The following PTPN4 variants were observed in gnomAD, a reference collection of about 807,000 sequenced individuals.
PTPN4 encodes the protein tyrosine-protein phosphatase non-receptor type 4.
A neutral mutation model predicts 135.5 loss-of-function variants in PTPN4; 49 were observed. The ratio of observed to expected loss-of-function variants is 0.36; its 90% CI spans 0.29 to 0.46. PTPN4 has a LOEUF of 0.46. PTPN4 is among the 20% of genes least tolerant of loss of function. The pLI, the probability that PTPN4 is intolerant of heterozygous loss-of-function variation, is 1.00. For synonymous variants in PTPN4, 333 were observed against 369.9 expected, an observed-to-expected ratio of 0.90 and a Z score of 1.14; for missense variants, 860 against 1,101.0, an observed-to-expected ratio of 0.78 and a Z score of 3.10.
rs150981929 is a variant in PTPN4, at chr2:119,948,590, A to C, written c.1656+2016A>C. 3.6e-3 allele frequency among the ~76,000 whole-genome samples: 550 copies of C among 152,256 alleles called. 4 individuals carry two copies. Among genetic ancestry groups the C allele is most frequent in the Middle Eastern group, 0.014 (4 of 294 alleles). On this transcript the variant is annotated intron_variant, in intron 18 of 26. Coordinates refer to ENST00000263708, the MANE Select transcript of PTPN4 (RefSeq NM_002830.4). ...TTATAACAGTTTAAAGTGGAAAAATAATCAAATGTGGACTAGGGAACAAAG... is the reference window on the plus strand; with the variant it reads ...TTATAACAGTTTAAAGTGGAAAAATCATCAAATGTGGACTAGGGAACAAAG...
rs1678716766 is a variant in PTPN4, at chr2:119,920,234, C to T, written c.994C>T (p.Arg332Trp). The change falls in exon 12 of 27, where the codon CGG becomes TGG. Residue 332 changes from arginine (R) to tryptophan (W), a missense_variant. Around this residue, in one of 2 missense-constraint regions of PTPN4, gnomAD observed 684 missense variants for 807.0 expected, o/e 0.85. Coordinates refer to ENST00000263708, the MANE Select transcript of PTPN4 (RefSeq NM_002830.4). ...TTATTTTACATTAGGTTCAAAATTC[C>T]GGTACTGGTAAGTATTGCTTCTGTG... ...AHYFTLGSKF[R>W]YCGRTEVQSV... The T allele has an allele frequency of 1.9e-6, 3 of 1,607,544 alleles. No homozygotes were observed. Among genetic ancestry groups the T allele is most frequent in the Non-Finnish European group, 2.6e-6 (3 of 1,176,062 alleles).
intron 18 of PTPN4, among the ~76,000 whole-genome samples, chr2:119,951,764 C>T (rs1574418454): frequency 6.6e-6 from 1 of 152,128 alleles, no homozygotes; most frequent in East Asian, 1.9e-4. Context: ...AATAGGTCAT[C>T]AGGAAAGAAA....
In PTPN4 at chr2:119,882,114, A is replaced by C. The variant is rs1294764091; in HGVS notation, c.431A>C (p.Asn144Thr). ...TTTATTAGATTACCCTGTCCTTCTA[A>C]TACTGCTGCCCTTTTAGCTTCATTT... ...ILTGRLPCPSNTAALLASFAV... is the reference protein window; with the variant it reads ...ILTGRLPCPSTTAALLASFAV... The change falls in exon 7 of 27, where the codon AAT becomes ACT. Residue 144 changes from asparagine to threonine, a missense_variant. Physicochemically the swap from Asn to Thr is moderately conservative, Grantham distance 65. This residue lies in a region of PTPN4 where 684 missense variants were observed against 807.0 expected (regional missense o/e 0.85). Transcript: ENST00000263708. 6.2e-7 allele frequency: 1 copy of C among 1,610,166 alleles called. No individual in the cohort carries two copies. The highest frequency in any genetic ancestry group is 1.1e-5 in the South Asian group (1 of 90,980).
At chr2:119,876,467 A>G (rs1195632359) in intron 3 of PTPN4, among the ~76,000 whole-genome samples, 1 of 152,160 alleles carries the variant, frequency 6.6e-6, no homozygotes, top group African/African-American at 2.4e-5. Context: ...ACTCCCAGCC[A>G]TTTATTTATT....
intron 1 of PTPN4, among the ~76,000 whole-genome samples, chr2:119,801,158 G>C (rs1039669011): frequency 2.0e-5 from 3 of 152,180 alleles, no homozygotes; most frequent in African/African-American, 4.8e-5. Context: ...GCACGATCTT[G>C]GTTCACTGAA....
chr2:119,815,851 G>A (rs1038544639), intron 2 of PTPN4, among the ~76,000 whole-genome samples: 5 of 152,008 alleles, frequency 3.3e-5, no homozygotes, highest in Non-Finnish European at 5.9e-5. Context: ...ATTGTTTTTT[G>A]TAATATGTAT....
At chr2:119,916,851 A>G (rs1426505607) in intron 11 of PTPN4, among the ~76,000 whole-genome samples, 1 of 152,176 alleles carries the variant, frequency 6.6e-6, no homozygotes, top group Non-Finnish European at 1.5e-5. Flanking sequence ...AGTTCGTTCC[A>G]TTTATGTATG....
Position 119,878,767 on chromosome 2 carries a change from C to CT in PTPN4, c.368+1226dup, listed in dbSNP as rs1481588050. Reference sequence around the variant, plus strand: ...GATTATGTAATCCTAATGCTTGCAACTATTAGTAGAATCCAAGCTAATTCC... The same window carrying CT: ...GATTATGTAATCCTAATGCTTGCAACTTATTAGTAGAATCCAAGCTAATTCC... On this transcript the variant is annotated intron_variant, in intron 5 of 26. Coordinates refer to ENST00000263708, the MANE Select transcript of PTPN4 (RefSeq NM_002830.4). Among the ~76,000 whole-genome samples the CT allele has an allele frequency of 2.1e-5, 3 of 145,574 alleles. No individual in the cohort carries two copies. In the East Asian group the frequency reaches 6.2e-4, roughly 30 times the overall value.
chr2:119,926,976 A>G (rs760017212), intron 13 of PTPN4, among the ~76,000 whole-genome samples: 9 of 152,086 alleles, frequency 5.9e-5, no homozygotes, highest in Non-Finnish European at 1.2e-4. Context: ...TTTGAGAAAT[A>G]TAGTGACTTA....
chr2:119,972,493 G>A (rs184365832), intron 26 of PTPN4, among the ~76,000 whole-genome samples: 6 of 152,116 alleles, frequency 3.9e-5, no homozygotes, highest in African/African-American at 1.4e-4. Context: ...ATGTCATCAT[G>A]TCATTTGCAA....
chr2:119,946,685 C>G, intron 18 of PTPN4, 111 bp downstream of exon 18: 1 of 903,710 alleles, frequency 1.1e-6, no homozygotes. Flanking sequence ...TTTTATTTAT[C>G]AAGTGTCAAA....
intron 15 of PTPN4, 140 bp downstream of exon 15, chr2:119,935,098 CT>C (rs1273616868): frequency 1.0e-6 from 1 of 994,304 alleles, no homozygotes. Flanking sequence ...TGCAATTATG[CT>C]CATTTGTTCC....
intron 8 of PTPN4, among the ~76,000 whole-genome samples, chr2:119,884,595 T>A (rs1020136008): frequency 2.0e-5 from 3 of 152,224 alleles, no homozygotes; most frequent in African/African-American, 7.2e-5. Context: ...ACATACAGCA[T>A]ATCAGAATCA....
At chr2:119,902,519 G>A (rs1678420779) in intron 10 of PTPN4, among the ~76,000 whole-genome samples, 1 of 152,354 alleles carries the variant, frequency 6.6e-6, no homozygotes. Context: ...CAAGATGGCT[G>A]ACTAGAGTCA....
chr2:119,927,738 T>C (rs1013061573), intron 13 of PTPN4, among the ~76,000 whole-genome samples: 2 of 152,212 alleles, frequency 1.3e-5, no homozygotes, highest in Non-Finnish European at 2.9e-5. Flanking sequence ...ATTAGTTATG[T>C]GTTTGGCATC....
chr2:119,923,810 T>C (rs1418462838), intron 12 of PTPN4, among the ~76,000 whole-genome samples: 1 of 152,064 alleles, frequency 6.6e-6, no homozygotes, highest in East Asian at 1.9e-4. Context: ...TTAAATGGTA[T>C]AAACTTTGCC....
chr2:119,760,871 CAAAAAA>C (rs11288109), intron 1 of PTPN4, among the ~76,000 whole-genome samples: 3 of 82,022 alleles, frequency 3.7e-5, no homozygotes, highest in Admixed American at 2.5e-4. Flanking sequence ...GTAGTTGAGC[CAAAAAA>C]AAAAAAAAAA....
intron 2 of PTPN4, among the ~76,000 whole-genome samples, chr2:119,842,539 A>G (rs1677396868): frequency 6.6e-6 from 1 of 152,246 alleles, no homozygotes; most frequent in African/African-American, 2.4e-5. Context: ...AACTCAAAAA[A>G]AGCTATAGAA....
At chr2:119,773,768 T>C (rs1690778686) in intron 1 of PTPN4, among the ~76,000 whole-genome samples, 1 of 150,172 alleles carries the variant, frequency 6.7e-6, no homozygotes, top group African/African-American at 2.4e-5. Context: ...AAGGAAAAAT[T>C]AGATGTCATG....
Sources: gnomAD v4.1 joint callset for allele counts (sites outside exome capture counted in the v4.1 genomes callset) on GRCh38, gnomAD v4.1.1 for gene constraint, gnomAD v4.1.1 regional missense constraint, MANE v1.5 for transcripts, NCBI Gene and HGNC (gene_info 2026-07-23, HGNC 2026-07-21) for gene names.